Variants in TMCC1 observed in about 807,000 individuals in gnomAD.
TMCC1 encodes the protein transmembrane and coiled-coil domains protein 1.
A neutral mutation model predicts 52.4 loss-of-function variants in TMCC1; 15 were observed. That is an observed-to-expected ratio of 0.29 (90% CI 0.19 to 0.44). The LOEUF (loss-of-function observed/expected upper bound fraction) is 0.44, where lower values mean the gene tolerates loss of function less well. Ranked by LOEUF, TMCC1 falls within the 20% of genes least tolerant of loss-of-function variation. The probability of loss-of-function intolerance (pLI) is 1.00; values close to 1 mark genes in which losing one functional copy is unlikely to be tolerated. For synonymous variants in TMCC1, 279 were observed against 301.9 expected (o/e 0.92, Z 0.79); for missense variants, 503 against 806.0 (o/e 0.62, Z 4.55).
intron 3 of TMCC1, among the ~76,000 whole-genome samples, chr3:129,831,684 A>T (rs1490282463): frequency 6.6e-6 from 1 of 152,192 alleles, no homozygotes; most frequent in Non-Finnish European, 1.5e-5. Context: ...TACCAACAAT[A>T]GTGATGTTGC....
chr3:129,766,234 T>TA (rs1415575373), intron 4 of TMCC1, among the ~76,000 whole-genome samples: 1 of 152,162 alleles, frequency 6.6e-6, no homozygotes, highest in African/African-American at 2.4e-5. Flanking sequence ...CAGAATTGTT[T>TA]AGTAGGCCTG....
chr3:129,685,851 GA>G (rs1158149362), intron 4 of TMCC1, among the ~76,000 whole-genome samples: 2 of 152,092 alleles, frequency 1.3e-5, no homozygotes. Flanking sequence ...CATATCTCAG[GA>G]AAAGCATCTG....
At chr3:129,790,787 G>T (rs1259462327) in intron 4 of TMCC1, among the ~76,000 whole-genome samples, 1 of 152,142 alleles carries the variant, frequency 6.6e-6, no homozygotes, top group Non-Finnish European at 1.5e-5. Flanking sequence ...TTTCACAACT[G>T]CATGTAGGTA....
At chr3:129,715,668 T>C (rs904473577) in intron 4 of TMCC1, among the ~76,000 whole-genome samples, 1 of 152,236 alleles carries the variant, frequency 6.6e-6, no homozygotes, top group Non-Finnish European at 1.5e-5. Context: ...AATCTCCTTC[T>C]AGTTCTCTGT....
At chr3:129,759,207 A>C (rs1240794976) in intron 4 of TMCC1, among the ~76,000 whole-genome samples, 1 of 152,092 alleles carries the variant, frequency 6.6e-6, no homozygotes, top group East Asian at 1.9e-4. Context: ...ACTGCCTCCA[A>C]ACTCCAAGTG....
intron 4 of TMCC1, among the ~76,000 whole-genome samples, chr3:129,816,928 G>A (rs1055130058): frequency 1.3e-5 from 2 of 151,884 alleles, no homozygotes. Flanking sequence ...ACTAGGGAGG[G>A]TGAGGCAGGA....
intron 4 of TMCC1, among the ~76,000 whole-genome samples, chr3:129,823,430 A>C (rs2058513379): frequency 1.3e-5 from 2 of 152,334 alleles, no homozygotes; most frequent in South Asian, 4.1e-4. Flanking sequence ...CTATTAACGC[A>C]TAATGTATAT....
intron 2 of TMCC1, among the ~76,000 whole-genome samples, chr3:129,836,948 A>G (rs748153486): frequency 1.2e-4 from 18 of 152,130 alleles, no homozygotes; most frequent in Non-Finnish European, 2.2e-4. Flanking sequence ...AAACCAGCCT[A>G]TTTCCCTTAT....
intron 4 of TMCC1, among the ~76,000 whole-genome samples, chr3:129,711,489 T>C (rs890245105): frequency 1.3e-5 from 2 of 152,188 alleles, no homozygotes; most frequent in Non-Finnish European, 2.9e-5. Context: ...TAAAATAATA[T>C]GCAAATTAAT....
chr3:129,865,845 A>G (rs2060598517), intron 2 of TMCC1, among the ~76,000 whole-genome samples: 1 of 152,182 alleles, frequency 6.6e-6, no homozygotes, highest in African/African-American at 2.4e-5. Flanking sequence ...GGGAATGCAA[A>G]AAAATATCAC....
At chr3:129,680,526 C>T (rs770455175) in intron 4 of TMCC1, among the ~76,000 whole-genome samples, 3 of 152,314 alleles carry the variant, frequency 2.0e-5, no homozygotes, top group Middle Eastern at 3.4e-3. Context: ...AGAGTCCTTG[C>T]TATTCACTGC....
chr3:129,854,635 C>T (rs1277938658), intron 2 of TMCC1, among the ~76,000 whole-genome samples: 1 of 152,084 alleles, frequency 6.6e-6, no homozygotes, highest in Non-Finnish European at 1.5e-5. Context: ...TCCCTTCTAC[C>T]ACAGGGCCTC....
chr3:129,662,497 G>A (rs1047729885), intron 5 of TMCC1, among the ~76,000 whole-genome samples: 1 of 152,106 alleles, frequency 6.6e-6, no homozygotes, highest in East Asian at 1.9e-4. Context: ...TGGCATTACA[G>A]GCTTGGTAGT....
At chr3:129,886,207 C>T (rs994424831) in intron 1 of TMCC1, among the ~76,000 whole-genome samples, 1 of 152,146 alleles carries the variant, frequency 6.6e-6, no homozygotes, top group African/African-American at 2.4e-5. Context: ...TAGAGGAAGG[C>T]TACCTACTGT....
intron 2 of TMCC1, among the ~76,000 whole-genome samples, chr3:129,868,538 A>C (rs1347544819): frequency 6.6e-6 from 1 of 152,182 alleles, no homozygotes; most frequent in African/African-American, 2.4e-5. Context: ...TCCTGGGTTC[A>C]AGTGATTCTC....
At chr3:129,854,069 A>T (rs2060036873) in intron 2 of TMCC1, among the ~76,000 whole-genome samples, 1 of 152,094 alleles carries the variant, frequency 6.6e-6, no homozygotes, top group South Asian at 2.1e-4. Flanking sequence ...TACCCCTTCA[A>T]GCCATTCTTT....
At chr3:129,805,981 T>G (rs1235311013) in intron 4 of TMCC1, among the ~76,000 whole-genome samples, 1 of 152,104 alleles carries the variant, frequency 6.6e-6, no homozygotes, top group Non-Finnish European at 1.5e-5. Context: ...AAAATCACTT[T>G]GGTAGCTACT....
intron 4 of TMCC1, among the ~76,000 whole-genome samples, chr3:129,675,664 T>C (rs1488861839): frequency 6.6e-6 from 1 of 152,168 alleles, no homozygotes; most frequent in Non-Finnish European, 1.5e-5. Flanking sequence ...AACATTACAA[T>C]AAAAGTAATA....
In TMCC1 at chr3:129,760,979, G is replaced by A. The variant is rs117006080; in HGVS notation, c.576+66824C>T. 3.3e-5 allele frequency among the ~76,000 whole-genome samples: 5 copies of A among 152,070 alleles called. No homozygotes were observed. The East Asian group carries it at 9.8e-4, about 30-fold the overall frequency. ...TGTGTTGTACAGTTCTACGGGTTTT[G>A]ATGCATGCACACGCATCCATGTATC... On this transcript the variant is annotated intron_variant, in intron 4 of 6. Coordinates refer to ENST00000393238, the MANE Select transcript of TMCC1 (RefSeq NM_001017395.5).
Sources: gnomAD v4.1 joint callset for allele counts (sites outside exome capture counted in the v4.1 genomes callset) on GRCh38, gnomAD v4.1.1 for gene constraint, MANE v1.5 for transcripts, NCBI Gene and HGNC (gene_info 2026-07-23, HGNC 2026-07-21) for gene names.